Variants in USP30 observed in about 807,000 individuals in gnomAD.
USP30 encodes ubiquitin carboxyl-terminal hydrolase 30.
USP30 carries 41 observed loss-of-function variants against 68.2 expected under a neutral mutation model. That is an observed-to-expected ratio of 0.60 (90% CI 0.47 to 0.78). USP30 has a LOEUF of 0.78. Among genes scored for constraint, USP30 ranks in the 30% least tolerant of loss-of-function variants. The pLI is 0.00. For missense variants in USP30, 522 were observed against 649.4 expected, an observed-to-expected ratio of 0.80 and a Z score of 2.13; for synonymous variants, 229 against 253.7, an observed-to-expected ratio of 0.90 and a Z score of 0.93.
chr12:109,044,254 T>C (rs1489974611), intron 3 of USP30, among the ~76,000 whole-genome samples: 4 of 152,182 alleles, frequency 2.6e-5, no homozygotes, highest in Non-Finnish European at 5.9e-5. Flanking sequence ...GTACAGAATT[T>C]TAGTTTTGCA....
intron 3 of USP30, among the ~76,000 whole-genome samples, chr12:109,060,723 C>T (rs561716572): frequency 1.1e-4 from 16 of 152,134 alleles, no homozygotes; most frequent in African/African-American, 2.9e-4. Flanking sequence ...GGCGGGATCT[C>T]GGCTCACTGC....
chr12:109,031,630 AAATGTGGTCTAT>A (rs2040481632), intron 3 of USP30, among the ~76,000 whole-genome samples: 1 of 152,264 alleles, frequency 6.6e-6, no homozygotes, highest in Admixed American at 6.5e-5. Flanking sequence ...TGGATAAACA[AAATGTGGTCTAT>A]CCATGCAATG....
chr12:109,056,624 G>A (rs1439690542), intron 1 of USP30, 58 bp from the exon 2 acceptor site: 5 of 1,252,480 alleles, frequency 4.0e-6, no homozygotes, highest in Middle Eastern at 3.8e-4. Context: ...GTCTATATCT[G>A]TATATTTGCC....
intron 7 of USP30, among the ~76,000 whole-genome samples, chr12:109,074,555 C>T (rs2041538505): frequency 1.3e-5 from 2 of 152,190 alleles, no homozygotes; most frequent in South Asian, 2.1e-4. Flanking sequence ...AGCCCACTCT[C>T]TAGGTCCTGT....
chr12:109,068,018 C>T (rs369508238), intron 4 of USP30, among the ~76,000 whole-genome samples: 65 of 152,230 alleles, frequency 4.3e-4, no homozygotes, highest in African/African-American at 1.5e-3. Context: ...TTTAAAAAAT[C>T]AATCTTCGGA....
upstream of USP30, among the ~76,000 whole-genome samples, chr12:109,050,036 C>G (rs972694191): frequency 1.3e-5 from 2 of 152,166 alleles, no homozygotes; most frequent in Admixed American, 1.3e-4. Context: ...TGGCTCACAC[C>G]TGTAATCCCA....
chr12:109,051,609 A>T (rs1179738364), upstream of USP30, among the ~76,000 whole-genome samples: 2 of 119,568 alleles, frequency 1.7e-5, no homozygotes, highest in Non-Finnish European at 1.6e-5. Context: ...TGGTTCTGTC[A>T]CCCAGGCTGG....
chr12:109,080,922 G>A lies in USP30; in HGVS notation c.721-412G>A, dbSNP rs185100424. On this transcript the variant is annotated intron_variant, in intron 7 of 12. Transcript: ENST00000257548. ...GCACCATCTAGGTTCTTGTAAGCGC[G>A]CTCTGCGATGTTTACACAATGATGA... Among the ~76,000 whole-genome samples the A allele has an allele frequency of 3.7e-4, 56 of 152,286 alleles. No individual in the cohort carries two copies. In the South Asian group the frequency reaches 4.1e-3, roughly 11 times the overall value.
chr12:109,024,059 C>G (rs2040426828), intron 1 of USP30, among the ~76,000 whole-genome samples: 2 of 152,124 alleles, frequency 1.3e-5, no homozygotes, highest in South Asian at 4.1e-4. Context: ...CTTCCCAGCT[C>G]CACCTCTTCC....
intron 3 of USP30, among the ~76,000 whole-genome samples, chr12:109,032,099 CAAA>C (rs71079513): frequency 7.6e-6 from 1 of 131,906 alleles, no homozygotes. Context: ...GAGACTCTGT[CAAA>C]AAAAAAAAAA....
chr12:109,040,003 T>C (rs2040552193), intron 3 of USP30, among the ~76,000 whole-genome samples: 2 of 152,336 alleles, frequency 1.3e-5, no homozygotes, highest in Middle Eastern at 3.4e-3. Flanking sequence ...ATATATGATA[T>C]AAATATTTAT....
rs869090869 is a variant in USP30, at chr12:109,055,400, A to ATTT, written c.84-1264_84-1262dup. Among the ~76,000 whole-genome samples, 41 of 24,470 alleles carry ATTT rather than the reference A, an allele frequency of 1.7e-3. 3 individuals carry two copies. The highest frequency in any genetic ancestry group is 4.3e-3 in the African/African-American group (39 of 9,018). 16.1% of individuals were successfully genotyped at this position (24,470 alleles called of 152,430 possible). ...TATACATATATATATATATATATAT[A>ATTT]TTTTTTTTTTTTTTTTTTTTGAGGC... On this transcript the variant is annotated intron_variant, in intron 1 of 12. Coordinates refer to ENST00000257548, the MANE Select transcript of USP30 (RefSeq NM_032663.5).
chr12:109,035,279 CTA>C lies in USP30; in HGVS notation c.-136+7729_-136+7730del, dbSNP rs756698423. Among the ~76,000 whole-genome samples, 6 of 152,056 alleles carry C rather than the reference CTA, an allele frequency of 3.9e-5. No homozygotes were observed. In the East Asian group the frequency reaches 9.6e-4, roughly 24 times the overall value. On this transcript the variant is annotated intron_variant, in intron 3 of 15. Transcript: ENST00000392784. The stretch of plus-strand genomic sequence containing the variant: ...TTTATTTCTTTTGTCTTTTCTTTCA[CTA>C]TATATTTTTGAGTTATTTTCTTAGT...
chr12:109,056,997 G>T (rs1240522149), intron 2 of USP30, among the ~76,000 whole-genome samples: 1 of 152,168 alleles, frequency 6.6e-6, no homozygotes, highest in African/African-American at 2.4e-5. Flanking sequence ...CCCCTCTCCA[G>T]ACTGGAGTTG....
intron 3 of USP30, among the ~76,000 whole-genome samples, chr12:109,058,442 C>T (rs1192294226): frequency 6.6e-6 from 1 of 152,050 alleles, no homozygotes; most frequent in East Asian, 1.9e-4. Flanking sequence ...CATGGTGGCA[C>T]ATGCCTGTAA....
At chr12:109,083,772 G>A (rs139010817) in intron 11 of USP30, among the ~76,000 whole-genome samples, 3 of 152,208 alleles carry the variant, frequency 2.0e-5, no homozygotes, top group African/African-American at 7.2e-5. Context: ...GCTGCCCCCA[G>A]TTAGGTCAGG....
intron 7 of USP30, among the ~76,000 whole-genome samples, chr12:109,080,506 A>G (rs1339905249): frequency 6.6e-6 from 1 of 152,208 alleles, no homozygotes; most frequent in African/African-American, 2.4e-5. Context: ...CAAAAGCAGG[A>G]ACTCTCTCAC....
chr12:109,079,316 TTC>T (rs1270229267), intron 7 of USP30, among the ~76,000 whole-genome samples: 9 of 149,886 alleles, frequency 6.0e-5, no homozygotes, highest in Non-Finnish European at 7.4e-5. Context: ...TGATTCTTTT[TTC>T]TCTTTTTTTC....
At chr12:109,072,405 T>C in intron 6 of USP30, 55 bp downstream of exon 6, 3 of 1,552,774 alleles carry the variant, frequency 1.9e-6, no homozygotes, top group Non-Finnish European at 2.7e-6. Context: ...TAAGATATGA[T>C]AATAATTTGC....
Sources: gnomAD v4.1 joint callset for allele counts (sites outside exome capture counted in the v4.1 genomes callset) on GRCh38, gnomAD v4.1.1 for gene constraint, MANE v1.5 for transcripts, NCBI Gene and HGNC (gene_info 2026-07-23, HGNC 2026-07-21) for gene names.